Variants in CLASRP observed in about 807,000 individuals in gnomAD.
The protein encoded by CLASRP is CLK4 associating serine/arginine rich protein, also known as CLK4-associating serine/arginine rich protein.
A neutral mutation model predicts 99.9 loss-of-function variants in CLASRP; 52 were observed. The ratio of observed to expected loss-of-function variants is 0.52; its 90% CI spans 0.42 to 0.66. The LOEUF (loss-of-function observed/expected upper bound fraction) is 0.66, where lower values mean the gene tolerates loss of function less well. CLASRP is among the 30% of genes least tolerant of loss of function. The pLI, the probability that CLASRP is intolerant of heterozygous loss-of-function variation, is 0.00. For missense variants in CLASRP, 848 were observed against 999.2 expected (o/e 0.85, Z 2.04); for synonymous variants, 379 against 373.0 (o/e 1.02, Z -0.18).
In CLASRP at chr19:45,067,727, G is replaced by A; in HGVS notation, c.1667+133G>A. ...GGGGTGGTGTATGGCCCTGGCCTGGGAGGGTGGATTTCAGGGGGACACAGC... is the reference window on the plus strand; with the variant it reads ...GGGGTGGTGTATGGCCCTGGCCTGGAAGGGTGGATTTCAGGGGGACACAGC... On this transcript the variant is annotated intron_variant, in intron 14 of 20. Coordinates refer to ENST00000221455, the MANE Select transcript of CLASRP (RefSeq NM_007056.3). This position sits in a 1 kb window ranked among gnomAD's most constrained non-coding sequence, Gnocchi z 4.9. 1.1e-6 allele frequency: 1 copy of A among 869,792 alleles called. No individual in the cohort carries two copies. Among genetic ancestry groups the A allele is most frequent in the Non-Finnish European group, 1.7e-6 (1 of 578,492 alleles). The allele number at this position is 869,792 out of a possible 1,614,324, so 53.9% of individuals were successfully genotyped here. A position where few individuals can be genotyped will look rare whatever the true frequency, so the allele number is the denominator to read the frequency against.
chr19:45,041,105 C>T (rs1971803217), intron 2 of CLASRP, among the ~76,000 whole-genome samples: 1 of 151,864 alleles, frequency 6.6e-6, no homozygotes, highest in Admixed American at 6.6e-5. Flanking sequence ...CCTGTAGTCC[C>T]AGCTACTCGG....
At chr19:45,068,394 T>G in intron 15 of CLASRP, 26 bp from the exon 16 acceptor site, 3 of 1,093,522 alleles carry the variant, frequency 2.7e-6, no homozygotes, top group Non-Finnish European at 3.9e-6. Flanking sequence ...CCACCCCCTC[T>G]CCCGCCTCTT....
chr19:45,069,778 A>G (rs2053719421), intron 18 of CLASRP: 1 of 524,238 alleles, frequency 1.9e-6, no homozygotes, highest in Non-Finnish European at 3.4e-6. Context: ...GCGGCAGGAA[A>G]TGATGGGACT....
rs557656376 is a variant in CLASRP, at chr19:45,058,090, C to T, written c.613+192C>T. The T allele has an allele frequency of 1.3e-4, 84 of 643,392 alleles. No homozygotes were observed. In the African/African-American group the frequency reaches 1.5e-3, roughly 11 times the overall value. 39.9% of individuals were successfully genotyped at this position (643,392 alleles called of 1,614,324 possible). ...TCCGTTCCGGCCTTCCTCTGCCTCA[C>T]TCATCTCTCATTTCTAGGGTGCTAT... On this transcript the variant is annotated intron_variant, in intron 7 of 20. Coordinates refer to ENST00000221455, the MANE Select transcript of CLASRP (RefSeq NM_007056.3).
Position 45,064,464 on chromosome 19 carries a change from G to GCCCGCTCCCGGT in CLASRP, c.1252_1263dup (p.Arg418_Ser421dup), listed in dbSNP as rs901083525. 23 of 1,524,556 alleles carry GCCCGCTCCCGGT rather than the reference G, an allele frequency of 1.5e-5. No individual in the cohort carries two copies. The highest frequency in any genetic ancestry group is 5.6e-5 in the African/African-American group (4 of 72,070). The allele number at this position is 1,524,556 out of a possible 1,614,324, so 94.4% of individuals were successfully genotyped here. A position where few individuals can be genotyped will look rare whatever the true frequency, so the allele number is the denominator to read the frequency against. On this transcript the variant is annotated inframe_insertion, in exon 13 of 21. Coordinates refer to ENST00000221455, the MANE Select transcript of CLASRP (RefSeq NM_007056.3). ...GGGCTACTACCGTTCCGGCCGCCAC[G>GCCCGCTCCCGGT]CCCGCTCCCGGTCCCGCTCCTGGTC...
chr19:45,044,216 G>A (rs1971871193), intron 2 of CLASRP, among the ~76,000 whole-genome samples: 2 of 152,236 alleles, frequency 1.3e-5, no homozygotes, highest in Admixed American at 1.3e-4. Context: ...TGGTGCGCCA[G>A]ACCCAGTGCT....
intron 19 of CLASRP, 104 bp from the exon 20 acceptor site, chr19:45,070,433 G>T: frequency 2.0e-6 from 2 of 1,016,022 alleles, no homozygotes; most frequent in Non-Finnish European, 3.1e-6. Flanking sequence ...CCCCTCATTT[G>T]GAGACAACCC....
At position 45,064,299 on chromosome 19, in the gene CLASRP, C is replaced by T. The variant is rs1473658286; in HGVS notation, c.1122-44C>T. ...GGGTACCCGGGGCAGAGGGGGGCCG[C>T]GGCTCAGGCCTGCGCTGACCGGCCC... On this transcript the variant is annotated intron_variant, in intron 12 of 20. Transcript: ENST00000221455. 9 of 1,505,292 alleles carry T rather than the reference C, an allele frequency of 6.0e-6. No homozygotes were observed. In the East Asian group the frequency reaches 2.0e-4, roughly 33 times the overall value. 93.2% of individuals were successfully genotyped at this position (1,505,292 alleles called of 1,614,324 possible).
rs971957351 is a variant in CLASRP, at chr19:45,060,143, C to T, written c.711-246C>T. On this transcript the variant is annotated intron_variant, in intron 8 of 20. Transcript: ENST00000221455. This position sits in a 1 kb window ranked among gnomAD's most constrained non-coding sequence, Gnocchi z 4.6. ...CACATTTTATTCCCTTGCTCATTAT[C>T]TTCTCCCCTAGAATGTAAGCCCGTG... 1.3e-5 allele frequency among the ~76,000 whole-genome samples: 2 copies of T among 152,082 alleles called. No homozygotes were observed. Among genetic ancestry groups the T allele is most frequent in the Non-Finnish European group, 2.9e-5 (2 of 68,022 alleles).
intron 12 of CLASRP, 43 bp downstream of exon 12, chr19:45,064,270 T>G (rs749925188): frequency 1.3e-6 from 2 of 1,535,046 alleles, no homozygotes; most frequent in Non-Finnish European, 1.7e-6. Context: ...CCGGTCACCA[T>G]GGGGGGTACC....
rs150962382 is a variant in CLASRP at position 45,070,822 on chromosome 19, C to G, written c.2002C>G (p.Arg668Gly). ...SSRRRSRSRS[R>G]SPHYRH ...TTCCAGGCGCTCAAGGTCCCGATCCCGAAGCCCCCATTACCGACATTAGGC... is the reference window on the plus strand; with the variant it reads ...TTCCAGGCGCTCAAGGTCCCGATCCGGAAGCCCCCATTACCGACATTAGGC... The change falls in exon 21 of 21, where the codon CGA (arginine) becomes GGA (glycine). Residue 668 changes from arginine to glycine, a missense_variant. Physicochemically the swap from Arg to Gly is moderately radical, Grantham distance 125. This residue lies in a region of CLASRP where 116 missense variants were observed against 162.7 expected (regional missense o/e 0.71). Coordinates refer to ENST00000221455, the MANE Select transcript of CLASRP (RefSeq NM_007056.3). 8.7e-6 allele frequency: 14 copies of G among 1,609,540 alleles called. No individual in the cohort carries two copies. Among genetic ancestry groups the G allele is most frequent in the Non-Finnish European group, 1.1e-5 (13 of 1,177,616 alleles).
intron 2 of CLASRP, chr19:45,047,428 A>C (rs1971940931): frequency 6.6e-6 from 1 of 151,524 alleles, no homozygotes. Flanking sequence ...AAAAAAAAAA[A>C]AAACAGAGAG....
chr19:45,051,185 G>A (rs1972015966), intron 2 of CLASRP, among the ~76,000 whole-genome samples: 1 of 152,092 alleles, frequency 6.6e-6, no homozygotes, highest in African/African-American at 2.4e-5. Context: ...GTCTCTAAAT[G>A]AACGGCCCGG....
chr19:45,043,195 T>TGTG (rs373093839), intron 2 of CLASRP, among the ~76,000 whole-genome samples: 68 of 134,748 alleles, frequency 5.0e-4, no homozygotes, highest in Admixed American at 1.5e-3. Flanking sequence ...AAGGAATACT[T>TGTG]TGTGTGTGTG....
rs2122615436 is a variant in CLASRP at position 45,068,452 on chromosome 19, G to T, written c.1740G>T (p.Leu580=). The T allele has an allele frequency of 1.2e-6, 2 of 1,613,296 alleles. No individual in the cohort carries two copies. The highest frequency in any genetic ancestry group is 1.7e-6 in the Non-Finnish European group (2 of 1,179,440). The change falls in exon 16 of 21, where the codon CTG becomes CTT. Residue 580 remains leucine, a synonymous_variant. Transcript: ENST00000221455. ...PKLTPQEKLK[L]RMQKALNRQF... The stretch of plus-strand genomic sequence containing the variant: ...TGACGCCTCAGGAGAAGCTGAAACT[G>T]AGGATGCAGAAGGCGCTGAACAGGC...
intron 2 of CLASRP, among the ~76,000 whole-genome samples, chr19:45,051,800 C>G (rs905002497): frequency 2.0e-5 from 3 of 152,046 alleles, no homozygotes; most frequent in Admixed American, 2.0e-4. Flanking sequence ...AACCCTGTCT[C>G]TACTAAAAAC....
At chr19:45,054,402 AC>A (rs1972083691) in intron 5 of CLASRP, among the ~76,000 whole-genome samples, 1 of 152,188 alleles carries the variant, frequency 6.6e-6, no homozygotes, top group Admixed American at 6.5e-5. Flanking sequence ...GGCGCATGCC[AC>A]CATGCCCGGC....
rs972030055 is a variant in CLASRP at position 45,070,923 on chromosome 19, T to G, written c.*78T>G. 9 of 899,912 alleles carry G rather than the reference T, an allele frequency of 1.0e-5. No homozygotes were observed. In the Admixed American group the frequency reaches 1.4e-4, roughly 14 times the overall value. 55.7% of individuals were successfully genotyped at this position (899,912 alleles called of 1,614,324 possible). A position where few individuals can be genotyped will look rare whatever the true frequency, so the allele number is the denominator to read the frequency against. ...GTGATGCTGCTGGTTTTATCTCTAG[T>G]GAAATAAAGTCAAAAGTTATTTAAT... On this transcript the variant is annotated 3_prime_UTR_variant, in exon 21 of 21. Transcript: ENST00000221455.
chr19:45,050,982 G>C (rs1185736949), intron 2 of CLASRP, among the ~76,000 whole-genome samples: 1 of 152,062 alleles, frequency 6.6e-6, no homozygotes, highest in Non-Finnish European at 1.5e-5. Flanking sequence ...GCCTCCCAAA[G>C]TGCTGGGATT....
Sources: gnomAD v4.1 joint callset for allele counts (sites outside exome capture counted in the v4.1 genomes callset) on GRCh38, gnomAD v4.1.1 for gene constraint, gnomAD v4.1.1 regional missense constraint, Gnocchi (gnomAD v3.1) non-coding constraint, MANE v1.5 for transcripts, NCBI Gene and HGNC (gene_info 2026-07-23, HGNC 2026-07-21) for gene names.